The following SKAP2 variants were observed in gnomAD, a reference collection of about 807,000 sequenced individuals.
The protein encoded by SKAP2 is src kinase-associated phosphoprotein 2.
A neutral mutation model predicts 54.9 loss-of-function variants in SKAP2; 28 were observed. That is an observed-to-expected ratio of 0.51 (90% CI 0.38 to 0.70). SKAP2 has a LOEUF of 0.70. Ranked by LOEUF, SKAP2 falls within the 30% of genes least tolerant of loss-of-function variation. SKAP2 has a pLI of 0.00. For synonymous variants in SKAP2, 137 were observed against 134.3 expected, an observed-to-expected ratio of 1.02 and a Z score of -0.14; for missense variants, 356 against 424.1, an observed-to-expected ratio of 0.84 and a Z score of 1.41.
chr7:26,696,416 G>A (rs1786896515), intron 9 of SKAP2, among the ~76,000 whole-genome samples: 1 of 152,132 alleles, frequency 6.6e-6, no homozygotes, highest in African/African-American at 2.4e-5. Context: ...CTAATTCTTA[G>A]TGTCATCTCT....
Position 26,820,281 on chromosome 7 carries a change from C to T in SKAP2, c.307+23749G>A, listed in dbSNP as rs561428286. Among the ~76,000 whole-genome samples the T allele has an allele frequency of 3.0e-4, 46 of 152,222 alleles. 1 individual carries two copies. The South Asian group carries it at 9.3e-3, about 31-fold the overall frequency. On this transcript the variant is annotated intron_variant, in intron 4 of 12. Coordinates refer to ENST00000345317, the MANE Select transcript of SKAP2 (RefSeq NM_003930.5). Reference sequence around the variant, plus strand: ...CCTTCCACTTGTAAAACAGTATCTACTAATAAGTTTTCTCAAAAGTTACCT... The same window carrying T: ...CCTTCCACTTGTAAAACAGTATCTATTAATAAGTTTTCTCAAAAGTTACCT...
chr7:26,803,081 C>A (rs1465247618), intron 4 of SKAP2, among the ~76,000 whole-genome samples: 1 of 151,956 alleles, frequency 6.6e-6, no homozygotes, highest in African/African-American at 2.4e-5. Flanking sequence ...TGAGCAAAAC[C>A]CCGCAAGCAC....
intron 11 of SKAP2, among the ~76,000 whole-genome samples, chr7:26,677,783 T>C (rs1467976123): frequency 6.6e-6 from 1 of 152,242 alleles, no homozygotes; most frequent in African/African-American, 2.4e-5. Flanking sequence ...GTGGCTTTTC[T>C]GGATCCTGCT....
At position 26,726,891 on chromosome 7, in the gene SKAP2, A is replaced by G; in HGVS notation, c.585T>C (p.Arg195=). The G allele has an allele frequency of 6.2e-7, 1 of 1,606,938 alleles. No homozygotes were observed. ...ACATAAAAACTACAACCTGATATAT[A>G]CGTTTATCAGGAGCAGAGATTTCAA... ...CCFEISAPDK[R]IYQFTAASPK... The change falls in exon 7 of 13, where the codon CGT becomes CGC. Residue 195 remains arginine, a synonymous_variant. Transcript: ENST00000345317.
intron 4 of SKAP2, among the ~76,000 whole-genome samples, chr7:26,820,272 C>T (rs187715775): frequency 4.6e-5 from 7 of 152,278 alleles, no homozygotes; most frequent in Non-Finnish European, 7.4e-5. Context: ...ACTTGTAAAA[C>T]AGTATCTACT....
At chr7:26,694,573 A>C (rs969214817) in intron 9 of SKAP2, among the ~76,000 whole-genome samples, 1 of 151,754 alleles carries the variant, frequency 6.6e-6, no homozygotes, top group African/African-American at 2.4e-5. Context: ...TGAGAACAGC[A>C]GAAATGTTCT....
intron 9 of SKAP2, among the ~76,000 whole-genome samples, chr7:26,706,687 G>C (rs577393389): frequency 1.8e-4 from 28 of 152,208 alleles, no homozygotes; most frequent in African/African-American, 6.5e-4. Flanking sequence ...CAAATGAAAA[G>C]TGCAAAAACT....
chr7:26,736,379 C>T (rs865979627), intron 6 of SKAP2, among the ~76,000 whole-genome samples: 3 of 152,188 alleles, frequency 2.0e-5, no homozygotes, highest in African/African-American at 4.8e-5. Flanking sequence ...CCTACCAGTG[C>T]CATGATAGTT....
chr7:26,775,903 T>G (rs549614174), intron 4 of SKAP2, among the ~76,000 whole-genome samples: 1 of 152,326 alleles, frequency 6.6e-6, no homozygotes, highest in African/African-American at 2.4e-5. Flanking sequence ...TTCCAAGGTA[T>G]GCATATAGCA....
intron 4 of SKAP2, among the ~76,000 whole-genome samples, chr7:26,794,908 C>T (rs67719086): frequency 0.086 from 13,132 of 152,236 alleles, 636 homozygotes; most frequent in Middle Eastern, 0.16. Flanking sequence ...CTCCCCTGTA[C>T]GTATATAAGT....
intron 4 of SKAP2, among the ~76,000 whole-genome samples, chr7:26,781,950 T>C (rs987904220): frequency 6.6e-6 from 1 of 152,208 alleles, no homozygotes; most frequent in Non-Finnish European, 1.5e-5. Context: ...ATAGATCAAG[T>C]TTCCCTGTTA....
chr7:26,703,270 A>T (rs2127946862), intron 9 of SKAP2, among the ~76,000 whole-genome samples: 1 of 152,332 alleles, frequency 6.6e-6, no homozygotes, highest in East Asian at 1.9e-4. Flanking sequence ...TTTTCATGAT[A>T]TCCACCACCA....
At chr7:26,811,439 CT>C (rs1172853404) in intron 4 of SKAP2, among the ~76,000 whole-genome samples, 2 of 152,178 alleles carry the variant, frequency 1.3e-5, no homozygotes, top group African/African-American at 4.8e-5. Flanking sequence ...CACCATCTTT[CT>C]CTTTCCCTGT....
At chr7:26,851,576 G>A (rs1785044212) in intron 3 of SKAP2, among the ~76,000 whole-genome samples, 2 of 152,076 alleles carry the variant, frequency 1.3e-5, no homozygotes, top group South Asian at 2.1e-4. Flanking sequence ...AGGGGTGGTG[G>A]GGGTGGGGAG....
At chr7:26,758,202 A>G (rs1782841771) in intron 4 of SKAP2, among the ~76,000 whole-genome samples, 1 of 150,634 alleles carries the variant, frequency 6.6e-6, no homozygotes, top group Admixed American at 6.6e-5. Context: ...AGTGTAGGGA[A>G]TTTTTTTTTT....
At chr7:26,828,987 C>T (rs775091402) in intron 4 of SKAP2, among the ~76,000 whole-genome samples, 6 of 151,912 alleles carry the variant, frequency 3.9e-5, no homozygotes, top group Non-Finnish European at 5.9e-5. Flanking sequence ...TAAGATCGCG[C>T]CATTGCACTC....
At chr7:26,664,799 A>C (rs1320756410), downstream of SKAP2, among the ~76,000 whole-genome samples, 2 of 151,666 alleles carry the variant, frequency 1.3e-5, no homozygotes, top group Non-Finnish European at 2.9e-5. Context: ...TAAGAAAGGT[A>C]CTTAAGAGAT....
At chr7:26,708,755 T>C (rs1787228318) in intron 9 of SKAP2, among the ~76,000 whole-genome samples, 1 of 152,190 alleles carries the variant, frequency 6.6e-6, no homozygotes, top group Non-Finnish European at 1.5e-5. Flanking sequence ...CCTCTTTTCA[T>C]AACCATTTCT....
At chr7:26,734,764 T>A (rs1449457165) in intron 6 of SKAP2, among the ~76,000 whole-genome samples, 1 of 152,122 alleles carries the variant, frequency 6.6e-6, no homozygotes, top group East Asian at 1.9e-4. Flanking sequence ...CACAGCTCTC[T>A]CTAGCCTTTT....
Sources: gnomAD v4.1 joint callset for allele counts (sites outside exome capture counted in the v4.1 genomes callset) on GRCh38, gnomAD v4.1.1 for gene constraint, MANE v1.5 for transcripts, NCBI Gene and HGNC (gene_info 2026-07-23, HGNC 2026-07-21) for gene names.